Variants in SPINK1 observed in about 807,000 individuals in gnomAD.
The protein encoded by SPINK1 is serine protease inhibitor Kazal-type 1.
SPINK1 carries 5 observed loss-of-function variants against 9.5 expected under a neutral mutation model. That is an observed-to-expected ratio of 0.52 (90% CI 0.27 to 1.10). The LOEUF (loss-of-function observed/expected upper bound fraction) is 1.10, where lower values mean the gene tolerates loss of function less well. Among genes scored for constraint, SPINK1 ranks in the 50% least tolerant of loss-of-function variants. The probability of loss-of-function intolerance (pLI) is 0.11; values close to 1 mark genes in which losing one functional copy is unlikely to be tolerated. For missense variants in SPINK1, 88 were observed against 92.7 expected, an observed-to-expected ratio of 0.95 and a Z score of 0.21; for synonymous variants, 37 against 32.3, an observed-to-expected ratio of 1.14 and a Z score of -0.49.
At chr5:147,829,713 T>C (rs1196989214) in intron 1 of SPINK1, 83 bp from the exon 2 acceptor site, 1 of 1,266,852 alleles carries the variant, frequency 7.9e-7, no homozygotes, top group African/African-American at 1.5e-5. Flanking sequence ...CTGCTTTCAT[T>C]GCAGACTGTG....
the SPINK1 span, among the ~76,000 whole-genome samples, chr5:147,837,716 T>TCTTTC: frequency 3.0e-4 from 44 of 146,154 alleles, no homozygotes; most frequent in East Asian, 8.2e-4. Flanking sequence ...TTTCTTTCTT[T>TCTTTC]TTTGGGATGG....
the SPINK1 span, among the ~76,000 whole-genome samples, chr5:147,837,971 G>A: frequency 2.0e-5 from 3 of 152,070 alleles, no homozygotes; most frequent in Non-Finnish European, 4.4e-5. Flanking sequence ...CAAAGTGCTG[G>A]GATTACAGGC....
rs372279808 is a variant in SPINK1 at position 147,824,628 on chromosome 5, C to A, written c.*33G>T. The stretch of plus-strand genomic sequence containing the variant: ...CAACAATAAGGCCAGTCAGGCCTCG[C>A]GGTGACCTGATGGGATTTCAAAACC... On this transcript the variant is annotated 3_prime_UTR_variant, in exon 4 of 4. Coordinates refer to ENST00000296695, the MANE Select transcript of SPINK1 (RefSeq NM_001379610.1). 3.1e-6 allele frequency: 5 copies of A among 1,607,518 alleles called. No homozygotes were observed. In the African/African-American group the frequency reaches 4.0e-5, roughly 13 times the overall value.
At chr5:147,838,546 T>C in the SPINK1 span, among the ~76,000 whole-genome samples, 1 of 152,320 alleles carries the variant, frequency 6.6e-6, no homozygotes, top group East Asian at 1.9e-4. Context: ...GTTGTATATG[T>C]CTCCAGACTC....
At chr5:147,824,803 A>G in intron 3 of SPINK1, 97 bp from the exon 4 acceptor site, 2 of 1,083,884 alleles carry the variant, frequency 1.8e-6, no homozygotes, top group African/African-American at 1.6e-5. Flanking sequence ...AGCTTCATTT[A>G]AAGTTGGAGA....
At chr5:147,834,648 A>G (rs899859878), upstream of SPINK1, among the ~76,000 whole-genome samples, 1 of 152,102 alleles carries the variant, frequency 6.6e-6, no homozygotes, top group African/African-American at 2.4e-5. Flanking sequence ...CTTGGGTCTC[A>G]CAAGCAGTGT....
At chr5:147,825,184 A>C (rs17774073) in intron 3 of SPINK1, among the ~76,000 whole-genome samples, 7,518 of 152,204 alleles carry the variant, frequency 0.049, 372 homozygotes, top group South Asian at 0.16. Flanking sequence ...GATTCCTGCC[A>C]GTTCTAAACA....
intron 3 of SPINK1, chr5:147,827,118 C>G (rs1177351202): frequency 6.6e-6 from 1 of 151,788 alleles, no homozygotes; most frequent in Non-Finnish European, 1.5e-5. Flanking sequence ...CTCTTGTCAC[C>G]CAGGTTGGAG....
At chr5:147,837,698 T>TTTCTTTCC in the SPINK1 span, among the ~76,000 whole-genome samples, 15 of 149,848 alleles carry the variant, frequency 1.0e-4, no homozygotes, top group African/African-American at 3.5e-4. Flanking sequence ...TCTTTCTTTC[T>TTTCTTTCC]TTCTTTCTTT....
intron 1 of SPINK1, 65 bp from the exon 2 acceptor site, chr5:147,829,695 A>G: frequency 2.1e-6 from 3 of 1,451,484 alleles, no homozygotes; most frequent in Non-Finnish European, 2.9e-6. Context: ...ATTCTTCATC[A>G]GAATTCTCTG....
the SPINK1 span, among the ~76,000 whole-genome samples, chr5:147,839,063 G>A: frequency 6.6e-5 from 10 of 152,260 alleles, no homozygotes; most frequent in African/African-American, 9.6e-5. Context: ...CCAAGACTGC[G>A]TACTTTATAA....
intron 2 of SPINK1, 55 bp from the exon 3 acceptor site, chr5:147,828,183 T>C (rs1756446367): frequency 7.5e-7 from 1 of 1,334,752 alleles, no homozygotes; most frequent in Non-Finnish European, 1.1e-6. Flanking sequence ...CTTGAGTTCA[T>C]AGCAAAATCT....
chr5:147,836,253 T>C (rs1471571182), upstream of SPINK1, among the ~76,000 whole-genome samples: 3 of 151,990 alleles, frequency 2.0e-5, no homozygotes, highest in Non-Finnish European at 4.4e-5. Flanking sequence ...ATTTCAGTTT[T>C]CTTGTTCCTG....
At chr5:147,832,777 A>G, upstream of SPINK1, among the ~76,000 whole-genome samples, 1 of 152,152 alleles carries the variant, frequency 6.6e-6, no homozygotes. Context: ...GCCAGAAACC[A>G]TTATAATGTG....
chr5:147,828,481 G>A (rs1247638428), intron 2 of SPINK1, among the ~76,000 whole-genome samples: 8 of 152,196 alleles, frequency 5.3e-5, no homozygotes, highest in Admixed American at 1.3e-4. Flanking sequence ...TGCGGGTGCT[G>A]GCATCTCTCA....
chr5:147,826,306 T>C (rs962588615), intron 3 of SPINK1, among the ~76,000 whole-genome samples: 7 of 152,226 alleles, frequency 4.6e-5, no homozygotes, highest in Non-Finnish European at 5.9e-5. Context: ...AAAGGCAATG[T>C]CATACATTAG....
chr5:147,826,030 A>G (rs1243278541), intron 3 of SPINK1, among the ~76,000 whole-genome samples: 2 of 152,198 alleles, frequency 1.3e-5, no homozygotes, highest in African/African-American at 2.4e-5. Flanking sequence ...TATGTATTAG[A>G]CAGCATAAAC....
the SPINK1 span, among the ~76,000 whole-genome samples, chr5:147,838,339 A>G: frequency 6.6e-6 from 1 of 152,230 alleles, no homozygotes; most frequent in African/African-American, 2.4e-5. Flanking sequence ...ATGAATAACC[A>G]CATTTCAGAT....
chr5:147,831,917 C>A, upstream of SPINK1: 1 of 837,940 alleles, frequency 1.2e-6, no homozygotes, highest in Non-Finnish European at 1.6e-6. Flanking sequence ...GTTTTCTCAC[C>A]TGTAAGATGA....
Sources: gnomAD v4.1 joint callset for allele counts (sites outside exome capture counted in the v4.1 genomes callset) on GRCh38, gnomAD v4.1.1 for gene constraint, MANE v1.5 for transcripts, NCBI Gene and HGNC (gene_info 2026-07-23, HGNC 2026-07-21) for gene names.